KDM5A: variants seen among roughly 807,000 people sequenced by gnomAD.
KDM5A encodes lysine demethylase 5A.
In KDM5A, 42 loss-of-function variants were observed where a neutral mutation model predicts 193.5. The ratio of observed to expected loss-of-function variants is 0.22; its 90% CI spans 0.17 to 0.28. The LOEUF (loss-of-function observed/expected upper bound fraction) is 0.28. KDM5A is among the 10% of genes least tolerant of loss of function. The probability of loss-of-function intolerance (pLI) is 1.00; values close to 1 mark genes in which losing one functional copy is unlikely to be tolerated. For synonymous variants in KDM5A, 796 were observed against 718.1 expected (o/e 1.11, Z -1.73); for missense variants, 1,692 against 2,055.1 (o/e 0.82, Z 3.42).
At chr12:358,696 G>A (rs1005686434) in intron 5 of KDM5A, among the ~76,000 whole-genome samples, 9 of 152,154 alleles carry the variant, frequency 5.9e-5, no homozygotes, top group African/African-American at 1.9e-4. Context: ...ACAAAGGCCA[G>A]GCATGATGAC....
intron 8 of KDM5A, among the ~76,000 whole-genome samples, chr12:353,160 A>G (rs963829162): frequency 1.4e-4 from 21 of 152,018 alleles, no homozygotes; most frequent in African/African-American, 5.1e-4. Flanking sequence ...CCTGGCCAAC[A>G]TGGTAAACCT....
chr12:354,984 G>C (rs759102826), intron 7 of KDM5A, among the ~76,000 whole-genome samples, 174 bp downstream of exon 7: 6 of 152,150 alleles, frequency 3.9e-5, no homozygotes, highest in Non-Finnish European at 7.4e-5. Context: ...GCCTACGTAT[G>C]TAGGACAGAG....
chr12:381,299 A>C lies in KDM5A; in HGVS notation c.366+2732T>G, dbSNP rs141469421. On this transcript the variant is annotated intron_variant, in intron 3 of 27. Coordinates refer to ENST00000399788, the MANE Select transcript of KDM5A (RefSeq NM_001042603.3). ...ATGAGCCACCGTGCCCGGCTGAGAC[A>C]GGTTTTCATCATGTTGGCCAGGCTG... Among the ~76,000 whole-genome samples the C allele has an allele frequency of 8.6e-3, 1,299 of 151,700 alleles. 9 individuals are homozygous for C. Among genetic ancestry groups the C allele is most frequent in the Middle Eastern group, 0.017 (5 of 294 alleles).
chr12:341,639 C>T (rs1944006573), intron 10 of KDM5A, among the ~76,000 whole-genome samples: 1 of 152,152 alleles, frequency 6.6e-6, no homozygotes, highest in South Asian at 2.1e-4. Context: ...TGGTGGTTTA[C>T]ATCTCTAATC....
intron 10 of KDM5A, among the ~76,000 whole-genome samples, chr12:349,579 C>T (rs1392318432): frequency 2.6e-5 from 4 of 151,628 alleles, no homozygotes; most frequent in Non-Finnish European, 4.4e-5. Context: ...CCACCCACCT[C>T]GGCCTCACAA....
At chr12:380,743 C>T (rs544256058) in intron 3 of KDM5A, among the ~76,000 whole-genome samples, 2 of 151,974 alleles carry the variant, frequency 1.3e-5, no homozygotes, top group South Asian at 4.2e-4. Flanking sequence ...GTAGAAAGAG[C>T]TTCATTAAAG....
chr12:280,820 G>C lies in KDM5A; in HGVS notation c.*4636C>G, dbSNP rs1943147479. ...AACAGAAGGCAGGTGAAATCTTCAGGAATCACTTCACACTCCAAAAACACT... is the reference window on the plus strand; with the variant it reads ...AACAGAAGGCAGGTGAAATCTTCAGCAATCACTTCACACTCCAAAAACACT... On this transcript the variant is annotated 3_prime_UTR_variant, in exon 28 of 28. Coordinates refer to ENST00000399788, the MANE Select transcript of KDM5A (RefSeq NM_001042603.3). 1.3e-5 allele frequency: 3 copies of C among 232,818 alleles called. No individual in the cohort carries two copies. The highest frequency in any genetic ancestry group is 2.5e-5 in the Non-Finnish European group (3 of 117,884). The allele number at this position is 232,818 out of a possible 1,614,324, so 14.4% of individuals were successfully genotyped here. A position where few individuals can be genotyped will look rare whatever the true frequency, so the allele number is the denominator to read the frequency against.
intron 3 of KDM5A, among the ~76,000 whole-genome samples, chr12:379,975 C>T (rs1327808893): frequency 1.3e-5 from 2 of 152,114 alleles, no homozygotes; most frequent in African/African-American, 4.8e-5. Flanking sequence ...CTTTAGAAAA[C>T]CAGAAAAGTG....
Position 293,253 on chromosome 12 carries a change from A to G in KDM5A, c.4456-84T>C, listed in dbSNP as rs574588862. The G allele has an allele frequency of 1.9e-5, 22 of 1,176,242 alleles. No homozygotes were observed. The South Asian group carries it at 3.0e-4, about 16-fold the overall frequency. The allele number at this position is 1,176,242 out of a possible 1,614,324, so 72.9% of individuals were successfully genotyped here. A position where few individuals can be genotyped will look rare whatever the true frequency, so the allele number is the denominator to read the frequency against. ...CTCTCTTATATGAGGTACCTAGAAT[A>G]GACACATTCGGAGAGACAGAAAGTC... On this transcript the variant is annotated intron_variant, in intron 26 of 27. Coordinates refer to ENST00000399788, the MANE Select transcript of KDM5A (RefSeq NM_001042603.3).
chr12:309,725 A>G (rs1943558874), intron 22 of KDM5A, 78 bp downstream of exon 22: 1 of 1,469,956 alleles, frequency 6.8e-7, no homozygotes, highest in Non-Finnish European at 9.5e-7. Context: ...TTAAAAACAT[A>G]AAAACTGTGA....
rs1220889828 is a variant in KDM5A, at chr12:335,911, C to T, written c.1309-1489G>A. On this transcript the variant is annotated intron_variant, in intron 10 of 27. Transcript: ENST00000399788. ...ACAAAAAATTAGCTGGGCATGGTGG[C>T]GGGCACCTGTAATCCCAGCTACTGG... 4.0e-5 allele frequency among the ~76,000 whole-genome samples: 6 copies of T among 151,428 alleles called. No homozygotes were observed. In the East Asian group the frequency reaches 7.7e-4, roughly 20 times the overall value.
In KDM5A at chr12:280,492, A is replaced by G. The variant is rs1054221506; in HGVS notation, c.*4964T>C. The G allele has an allele frequency of 8.6e-6, 2 of 232,958 alleles. No homozygotes were observed. Among genetic ancestry groups the G allele is most frequent in the South Asian group, 3.6e-4 (2 of 5,518 alleles). The allele number at this position is 232,958 out of a possible 1,614,324, so 14.4% of individuals were successfully genotyped here. On this transcript the variant is annotated 3_prime_UTR_variant, in exon 28 of 28. Coordinates refer to ENST00000399788, the MANE Select transcript of KDM5A (RefSeq NM_001042603.3). ...TTTCAACCAACCCTCCTCCTAACAT[A>G]CACATACAGAGTTACACATTTCATG...
rs774712204 is a variant in KDM5A at position 333,490 on chromosome 12, C to T, written c.1650G>A (p.Val550=). ...AGGAAGACACCAAAAGACTCACAGG[C>T]ACACCATGCTCCATTAGCACGTTGG... ...MNPNVLMEHG[V]PVYRTNQCAG... The change falls in exon 12 of 28, where the codon GTG becomes GTA. Residue 550 remains valine, a synonymous_variant. Transcript: ENST00000399788. The T allele has an allele frequency of 3.7e-5, 59 of 1,613,930 alleles. No homozygotes were observed. In the East Asian group the frequency reaches 8.2e-4, roughly 23 times the overall value.
intron 25 of KDM5A, among the ~76,000 whole-genome samples, chr12:296,357 A>C (rs1197201341): frequency 6.6e-6 from 1 of 151,988 alleles, no homozygotes; most frequent in Non-Finnish European, 1.5e-5. Context: ...TTTATCCTGA[A>C]CATTAATCTC....
At chr12:343,488 T>C (rs921850967) in intron 10 of KDM5A, among the ~76,000 whole-genome samples, 9 of 152,186 alleles carry the variant, frequency 5.9e-5, no homozygotes, top group African/African-American at 1.9e-4. Context: ...GTAGCCTAAC[T>C]GGGAGACACC....
intron 19 of KDM5A, among the ~76,000 whole-genome samples, chr12:313,793 G>T (rs1332857772): frequency 1.3e-5 from 2 of 152,200 alleles, no homozygotes; most frequent in Non-Finnish European, 2.9e-5. Context: ...ACTGTTATGG[G>T]AGGCAGTGAT....
chr12:362,259 A>G (rs537595339), intron 5 of KDM5A, among the ~76,000 whole-genome samples: 78 of 147,954 alleles, frequency 5.3e-4, no homozygotes, highest in East Asian at 4.1e-3. Context: ...AAAAGGAAAC[A>G]GGGGTTTGAA....
chr12:312,658 T>A (rs554974407), intron 20 of KDM5A, among the ~76,000 whole-genome samples: 34 of 152,322 alleles, frequency 2.2e-4, no homozygotes, highest in African/African-American at 8.2e-4. Flanking sequence ...CAGGGTTATG[T>A]CCCGTCGTAA....
At chr12:364,082 G>A (rs1944322514) in intron 4 of KDM5A, among the ~76,000 whole-genome samples, 1 of 152,202 alleles carries the variant, frequency 6.6e-6, no homozygotes. Flanking sequence ...ACAATACCAA[G>A]TGTTGACCAG....
Sources: gnomAD v4.1 joint callset for allele counts (sites outside exome capture counted in the v4.1 genomes callset) on GRCh38, gnomAD v4.1.1 for gene constraint, MANE v1.5 for transcripts, NCBI Gene and HGNC (gene_info 2026-07-23, HGNC 2026-07-21) for gene names.